Variants in KCNH4 observed in about 807,000 individuals in gnomAD.
KCNH4 encodes the protein voltage-gated delayed rectifier potassium channel KCNH4.
Under a neutral mutation model 90.7 loss-of-function variants are expected in KCNH4, and 33 were observed. The ratio of observed to expected loss-of-function variants is 0.36; its 90% CI spans 0.28 to 0.49. The LOEUF is 0.49. Among genes scored for constraint, KCNH4 ranks in the 20% least tolerant of loss-of-function variants. The pLI, the probability that KCNH4 is intolerant of heterozygous loss-of-function variation, is 0.98. For missense variants in KCNH4, 1,044 were observed against 1,387.1 expected (o/e 0.75, Z 3.93); for synonymous variants, 551 against 581.7 (o/e 0.95, Z 0.76).
chr17:42,160,436 C>A lies in KCNH4; in HGVS notation c.2659-1G>T. 6.3e-7 allele frequency: 1 copy of A among 1,580,686 alleles called. No homozygotes were observed. The highest frequency in any genetic ancestry group is 8.6e-7 in the Non-Finnish European group (1 of 1,158,722). ...ACACCTCCTGATTGAGACGAGAGAT[C>A]TGTTGAAAACACATCGAGTTGTTTC... is the stretch of plus-strand genomic sequence containing the variant. On this transcript the variant is annotated splice_acceptor_variant, in intron 15 of 16. Transcript: ENST00000264661. LOFTEE classifies it high-confidence loss of function.
In KCNH4 at chr17:42,160,022, C is replaced by T; in HGVS notation, c.*18G>A. The T allele has an allele frequency of 6.6e-7, 1 of 1,505,566 alleles. No homozygotes were observed. The highest frequency in any genetic ancestry group is 8.9e-7 in the Non-Finnish European group (1 of 1,126,466). 93.3% of individuals were successfully genotyped at this position (1,505,566 alleles called of 1,614,324 possible). A position where few individuals can be genotyped will look rare whatever the true frequency, so the allele number is the denominator to read the frequency against. Reference sequence around the variant, plus strand: ...GCGGCAGCGCCCACCCCAGACAGGCCTGGGCCCTGGGCCAGGGTCAGTGGA... The same window carrying T: ...GCGGCAGCGCCCACCCCAGACAGGCTTGGGCCCTGGGCCAGGGTCAGTGGA... On this transcript the variant is annotated 3_prime_UTR_variant, in exon 16 of 17. Transcript: ENST00000264661.
In KCNH4 at chr17:42,180,724, T is replaced by G. The variant is rs1026621716; in HGVS notation, c.76+146A>C. The G allele has an allele frequency of 7.4e-5, 60 of 811,518 alleles. No individual in the cohort carries two copies. Among genetic ancestry groups the G allele is most frequent in the Middle Eastern group, 2.3e-4 (1 of 4,256 alleles). 50.3% of individuals were successfully genotyped at this position (811,518 alleles called of 1,614,324 possible). A position where few individuals can be genotyped will look rare whatever the true frequency, so the allele number is the denominator to read the frequency against. ...CGCAGGGCACTCCCCGCCCTGTTCC[T>G]GCACCGCGGCTTTGGGAGTTCCTAG... On this transcript the variant is annotated intron_variant, in intron 1 of 16. Transcript: ENST00000264661. The surrounding 1 kb of genome is among the most constrained non-coding windows in gnomAD (Gnocchi z 4.7).
At position 42,180,994 on chromosome 17, in the gene KCNH4, G is replaced by A. The variant is rs368844772; in HGVS notation, c.-49C>T. 1 of 1,566,364 alleles carries A rather than the reference G, an allele frequency of 6.4e-7. No individual in the cohort carries two copies. Among genetic ancestry groups the A allele is most frequent in the Non-Finnish European group, 8.7e-7 (1 of 1,146,216 alleles). Reference sequence around the variant, plus strand: ...CGCGGCGCTGGGGAGCTTTCAGCGCGGCCGGGCCGGAGGGGGCGCGCTGTC... The same window carrying A: ...CGCGGCGCTGGGGAGCTTTCAGCGCAGCCGGGCCGGAGGGGGCGCGCTGTC... On this transcript the variant is annotated 5_prime_UTR_variant, in exon 1 of 17. Coordinates refer to ENST00000264661, the MANE Select transcript of KCNH4 (RefSeq NM_012285.3). This position sits in a 1 kb window ranked among gnomAD's most constrained non-coding sequence, Gnocchi z 4.7.
intron 4 of KCNH4, among the ~76,000 whole-genome samples, chr17:42,176,503 C>T (rs1367132187): frequency 6.8e-6 from 1 of 146,380 alleles, no homozygotes; most frequent in Admixed American, 6.8e-5. Flanking sequence ...TTCCCAGGCC[C>T]TCCTCCTTTT....
chr17:42,164,753 G>C (rs1029093490), intron 11 of KCNH4, among the ~76,000 whole-genome samples: 4 of 151,974 alleles, frequency 2.6e-5, no homozygotes, highest in African/African-American at 9.7e-5. Flanking sequence ...AGTGAGCTGA[G>C]ATGGCGCCAC....
Position 42,166,384 on chromosome 17 carries a change from G to A in KCNH4, c.1753C>T (p.Arg585Cys), listed in dbSNP as rs969997134. 2.3e-5 allele frequency: 37 copies of A among 1,613,752 alleles called. No homozygotes were observed. The highest frequency in any genetic ancestry group is 3.1e-5 in the Non-Finnish European group (36 of 1,179,894). The change falls in exon 10 of 17, where the codon CGC (arginine) becomes TGC (cysteine). Residue 585 changes from arginine (R) to cysteine (C), a missense_variant. Coordinates refer to ENST00000264661, the MANE Select transcript of KCNH4 (RefSeq NM_012285.3). ...SFCAPGEYLL[R>C]RGDALQAHYY... is the part of the protein sequence containing the mutation. ...TGTGCCTGCAGGGCATCCCCACGGC[G>A]CAACAGGTACTCGCCCGGAGCGCAG...
Position 42,176,175 on chromosome 17 carries a change from G to A in KCNH4, c.708C>T (p.Ala236=), listed in dbSNP as rs779051935. 12 of 1,613,860 alleles carry A rather than the reference G, an allele frequency of 7.4e-6. No individual in the cohort carries two copies. The highest frequency in any genetic ancestry group is 1.0e-5 in the Non-Finnish European group (12 of 1,179,944). ...GGACGGTGACCGCAACGTAGAAGGT[G>A]GCAAGGAGGATAAGGCCGTCCCAGA... ...KAIWDGLILL[A]TFYVAVTVPY... Residue 236 remains alanine, a synonymous_variant, in exon 5 of 17, where the codon GCC becomes GCT. Transcript: ENST00000264661.
intron 16 of KCNH4, among the ~76,000 whole-genome samples, chr17:42,158,425 G>C (rs2079722959): frequency 6.6e-6 from 1 of 151,190 alleles, no homozygotes; most frequent in Non-Finnish European, 1.5e-5. Context: ...CAGCTACTCG[G>C]GAGGCTGAGG....
rs200945829 is a variant in KCNH4, at chr17:42,160,354, G to A, written c.2740C>T (p.Pro914Ser). The change falls in exon 16 of 17, where the codon CCC becomes TCC. Residue 914 changes from proline to serine, a missense_variant. Coordinates refer to ENST00000264661, the MANE Select transcript of KCNH4 (RefSeq NM_012285.3). ...GCGGAGCCTGCTGGGTGGCCTGGGG[G>A]ACCCAGCCTGGCCTGCAGCAGGCCC... is the stretch of plus-strand genomic sequence containing the variant. ...IMGLLQARLG[P>S]PGHPAGSAWT... 3.7e-6 allele frequency: 6 copies of A among 1,614,058 alleles called. No homozygotes were observed. The highest frequency in any genetic ancestry group is 2.2e-5 in the East Asian group (1 of 44,866).
rs1212136397 is a variant in KCNH4, at chr17:42,181,040, T to A, written c.-95A>T. ...CTGTCGGAGGGGCCGGGGCGCCCCA[T>A]GCGCCCTCCTGCCTCCTCCCCTCCC... On this transcript the variant is annotated 5_prime_UTR_variant, in exon 1 of 17. An upstream start codon of the reference 5' UTR is lost. Coordinates refer to ENST00000264661, the MANE Select transcript of KCNH4 (RefSeq NM_012285.3). 3 of 1,059,132 alleles carry A rather than the reference T, an allele frequency of 2.8e-6. No homozygotes were observed. The highest frequency in any genetic ancestry group is 1.6e-5 in the African/African-American group (1 of 61,354). The allele number at this position is 1,059,132 out of a possible 1,614,324, so 65.6% of individuals were successfully genotyped here.
intron 7 of KCNH4, among the ~76,000 whole-genome samples, chr17:42,171,066 A>C (rs1164176451): frequency 1.3e-5 from 2 of 152,122 alleles, no homozygotes; most frequent in Non-Finnish European, 2.9e-5. Flanking sequence ...TTTGGAGGGC[A>C]GTGGGAAGCC....
intron 9 of KCNH4, among the ~76,000 whole-genome samples, chr17:42,168,772 A>ATTTTTTTTTTT (rs1568034449): frequency 6.6e-6 from 1 of 150,548 alleles, no homozygotes; most frequent in African/African-American, 2.4e-5. Context: ...TTTTATTTTT[A>ATTTTTTTTTTT]TTTTTATTTT....
chr17:42,169,779 T>C (rs2079814310), intron 8 of KCNH4, 103 bp from the exon 9 acceptor site: 30 of 1,207,696 alleles, frequency 2.5e-5, no homozygotes, highest in Non-Finnish European at 3.1e-5. Context: ...CGGGCTCCTG[T>C]GTGCCTACCA....
intron 9 of KCNH4, among the ~76,000 whole-genome samples, chr17:42,168,760 TTTTTTATTTTTA>T (rs879696086): frequency 1.1e-3 from 104 of 97,544 alleles, no homozygotes; most frequent in Non-Finnish European, 1.6e-3. Flanking sequence ...ATTTATTTAT[TTTTTTATTTTTA>T]TTTTTATTTT....
chr17:42,161,952 CT>C (rs986564483), intron 15 of KCNH4, among the ~76,000 whole-genome samples: 3,408 of 122,250 alleles, frequency 0.028, 41 homozygotes, highest in Non-Finnish European at 0.035. Flanking sequence ...ATATCTCTCT[CT>C]TTTTTTTTTT....
intron 6 of KCNH4, among the ~76,000 whole-genome samples, chr17:42,172,979 T>C (rs905819817): frequency 4.7e-5 from 7 of 149,128 alleles, no homozygotes; most frequent in African/African-American, 1.7e-4. Context: ...AGCAGAAGAG[T>C]TGAGGGGGCA....
chr17:42,169,785 T>C (rs2079814350), intron 8 of KCNH4, 109 bp from the exon 9 acceptor site: 6 of 1,126,578 alleles, frequency 5.3e-6, no homozygotes, highest in Non-Finnish European at 6.5e-6. Context: ...CCTGTGTGCC[T>C]ACCAGGTGCC....
At chr17:42,173,293 A>G (rs1338277099) in intron 6 of KCNH4, among the ~76,000 whole-genome samples, 1 of 151,704 alleles carries the variant, frequency 6.6e-6, no homozygotes, top group Admixed American at 6.6e-5. Context: ...CTCCTGGACC[A>G]CCTCGTGCAA....
Position 42,166,566 on chromosome 17 carries a change from C to A in KCNH4, c.1591-20G>T. On this transcript the variant is annotated intron_variant, in intron 9 of 16. Coordinates refer to ENST00000264661, the MANE Select transcript of KCNH4 (RefSeq NM_012285.3). ...CAGTAACTGCATAAGGGGCATAGGTCATTCTGGCCATCCCCCTGCAGCTAC... is the reference window on the plus strand; with the variant it reads ...CAGTAACTGCATAAGGGGCATAGGTAATTCTGGCCATCCCCCTGCAGCTAC... 6.3e-7 allele frequency: 1 copy of A among 1,593,984 alleles called. No homozygotes were observed. Among genetic ancestry groups the A allele is most frequent in the South Asian group, 1.1e-5 (1 of 89,760 alleles).
Sources: gnomAD v4.1 joint callset for allele counts (sites outside exome capture counted in the v4.1 genomes callset) on GRCh38, gnomAD v4.1.1 for gene constraint, Gnocchi (gnomAD v3.1) non-coding constraint, MANE v1.5 for transcripts, NCBI Gene and HGNC (gene_info 2026-07-23, HGNC 2026-07-21) for gene names.